The following BRCA2 variants were observed in gnomAD, a reference collection of about 807,000 sequenced individuals.
BRCA2 encodes BRCA2 DNA repair associated.
Under a neutral mutation model 276.7 loss-of-function variants are expected in BRCA2, and 203 were observed. The ratio of observed to expected loss-of-function variants is 0.73; its 90% CI spans 0.65 to 0.82. BRCA2 has a LOEUF of 0.82. BRCA2 is among the 40% of genes least tolerant of loss of function. The pLI is 0.00. For missense variants in BRCA2, 3,920 were observed against 3,915.0 expected (o/e 1.00, Z -0.03); for synonymous variants, 1,289 against 1,338.4 (o/e 0.96, Z 0.81).
chr13:32,350,984 G>T (rs867459201), intron 13 of BRCA2, among the ~76,000 whole-genome samples: 2 of 151,962 alleles, frequency 1.3e-5, no homozygotes, highest in African/African-American at 4.8e-5. Context: ...AAACGCACCG[G>T]TCAGCACTCT....
chr13:32,348,057 G>C (rs2072623386), intron 13 of BRCA2, among the ~76,000 whole-genome samples: 1 of 151,868 alleles, frequency 6.6e-6, no homozygotes, highest in Non-Finnish European at 1.5e-5. Context: ...AGAAAAAATG[G>C]CCGTAAAATA....
At chr13:32,316,580 A>G in intron 2 of BRCA2, 53 bp downstream of exon 2, 1 of 1,518,468 alleles carries the variant, frequency 6.6e-7, no homozygotes, top group Non-Finnish European at 9.1e-7. Context: ...AGTGTTTTCT[A>G]AAAAATGCTT....
In BRCA2 at chr13:32,380,558, C is replaced by CT. The variant is rs1031887387; in HGVS notation, c.9256+413_9256+414insT. ...GCTTTTTTTTTTTTTTTTTTTTCCC[C>CT]GAGATGGAGTCTCACTCTGTTGCCC... On this transcript the variant is annotated intron_variant, in intron 24 of 26. Transcript: ENST00000380152. Among the ~76,000 whole-genome samples the CT allele has an allele frequency of 2.8e-5, 4 of 142,616 alleles. No homozygotes were observed. The South Asian group carries it at 8.9e-4, about 32-fold the overall frequency. The allele number at this position is 142,616 out of a possible 152,430, so 93.6% of individuals were successfully genotyped here.
Position 32,379,431 on chromosome 13 carries a change from C to T in BRCA2, c.8869C>T (p.Gln2957Ter), listed in dbSNP as rs276174913. 6.2e-7 allele frequency: 1 copy of T among 1,613,626 alleles called. No homozygotes were observed. The highest frequency in any genetic ancestry group is 1.1e-5 in the South Asian group (1 of 91,006). ...TAGGAAGGCCATGGAATCTGCTGAA[C>T]AAAAGGAACAAGGTTTATCAAGGGA... ...EIRKAMESAE[Q>*]KEQGLSRDVT... is the part of the protein sequence containing the mutation. Residue 2957 changes from glutamine to a stop codon, truncating the protein, a stop_gained, in exon 22 of 27, where the codon CAA becomes TAA. Coordinates refer to ENST00000380152, the MANE Select transcript of BRCA2 (RefSeq NM_000059.4). LOFTEE classifies it high-confidence loss of function.
chr13:32,389,918 C>CAAAAAAAAA (rs952305945), intron 24 of BRCA2, among the ~76,000 whole-genome samples: 2 of 152,140 alleles, frequency 1.3e-5, no homozygotes, highest in African/African-American at 4.8e-5. Flanking sequence ...ACAGAATTCT[C>CAAAAAAAAA]AAAAATGTCA....
intron 19 of BRCA2, 76 bp downstream of exon 19, chr13:32,370,633 A>G (rs2137598663): frequency 6.7e-7 from 1 of 1,495,966 alleles, no homozygotes; most frequent in South Asian, 1.2e-5. Context: ...TTTGAGATGG[A>G]GTTTCGGTCT....
intron 13 of BRCA2, among the ~76,000 whole-genome samples, chr13:32,353,613 C>G (rs144203378): frequency 2.6e-5 from 4 of 152,276 alleles, no homozygotes; most frequent in African/African-American, 9.6e-5. Context: ...TGTCTGTTTC[C>G]TTCCACTGAA....
rs2072762601 is a variant in BRCA2, at chr13:32,363,697, CAGTTTTTGGG to C, written c.8331+167_8331+176del. The stretch of plus-strand genomic sequence containing the variant: ...TCTTCAGACAGTTAAAGTTTTTGTG[CAGTTTTTGGG>C]AGGTCCAGAGATCTTTCTTGAGCTT... On this transcript the variant is annotated intron_variant, in intron 18 of 26. Coordinates refer to ENST00000380152, the MANE Select transcript of BRCA2 (RefSeq NM_000059.4). Among the ~76,000 whole-genome samples the C allele has an allele frequency of 2.0e-5, 3 of 152,210 alleles. No individual in the cohort carries two copies. The South Asian group carries it at 6.2e-4, about 32-fold the overall frequency.
chr13:32,398,763 ATATC>A lies in BRCA2; in HGVS notation c.10253_10256del (p.Ile3418LysfsTer8), dbSNP rs80359259. ...CAGGACACAATTACAACTAAAAAAT[ATATC>A]TAAGCATTTGCAAAGGCGACAATAA... On this transcript the variant is annotated frameshift_variant, in exon 27 of 27. Transcript: ENST00000380152. LOFTEE classifies it high-confidence loss of function. 4.3e-6 allele frequency: 7 copies of A among 1,613,724 alleles called. No homozygotes were observed. Among genetic ancestry groups the A allele is most frequent in the Middle Eastern group, 1.6e-4 (1 of 6,084 alleles).
intron 7 of BRCA2, among the ~76,000 whole-genome samples, chr13:32,327,630 G>A (rs963255356): frequency 4.0e-5 from 6 of 150,438 alleles, no homozygotes; most frequent in Admixed American, 2.6e-4. Context: ...AGATCATCAC[G>A]CCACTGCACT....
rs1853938036 is a variant in BRCA2 at position 32,379,664 on chromosome 13, A to G, written c.8954-86A>G. The G allele has an allele frequency of 3.3e-6, 5 of 1,534,560 alleles. No homozygotes were observed. In the South Asian group the frequency reaches 3.4e-5, roughly 11 times the overall value. Reference sequence around the variant, plus strand: ...ACTAATGCCCACAAAGAGATAATATAAAAGAGGATCTGTATTTATTTTGAA... The same window carrying G: ...ACTAATGCCCACAAAGAGATAATATGAAAGAGGATCTGTATTTATTTTGAA... On this transcript the variant is annotated intron_variant, in intron 22 of 26. Transcript: ENST00000380152.
At chr13:32,391,835 G>T (rs2072999161) in intron 24 of BRCA2, among the ~76,000 whole-genome samples, 1 of 152,110 alleles carries the variant, frequency 6.6e-6, no homozygotes, top group African/African-American at 2.4e-5. Flanking sequence ...AAGAAATAAG[G>T]CTTCCATTTC....
intron 22 of BRCA2, 95 bp downstream of exon 22, chr13:32,379,610 T>C: frequency 4.6e-6 from 7 of 1,525,752 alleles, no homozygotes; most frequent in East Asian, 2.3e-5. Flanking sequence ...AGTATAAAGT[T>C]AGTTTATATC....
rs80358967 is a variant in BRCA2, at chr13:32,356,440, G to C, written c.7448G>C (p.Ser2483Thr). Residue 2483 changes from serine to threonine, a missense_variant, in exon 15 of 27, where the codon AGT becomes ACT. Ser to Thr is a moderately conservative substitution (Grantham distance 58, BLOSUM62 1). Around this residue, in one of 2 missense-constraint regions of BRCA2, gnomAD observed 3,263 missense variants for 3,156.9 expected, o/e 1.03. Coordinates refer to ENST00000380152, the MANE Select transcript of BRCA2 (RefSeq NM_000059.4). ...TATTCTTTGATAGATTTAATTACAA[G>C]TCTTCAGAATGCCAGAGATATACAG... ...CEEEPLDLIT[S>T]LQNARDIQDM... is the part of the protein sequence containing the mutation. The C allele has an allele frequency of 6.2e-7, 1 of 1,613,372 alleles. No individual in the cohort carries two copies. Among genetic ancestry groups the C allele is most frequent in the South Asian group, 1.1e-5 (1 of 91,066 alleles).
Position 32,339,384 on chromosome 13 carries a change from A to G in BRCA2, c.5029A>G (p.Arg1677Gly), listed in dbSNP as rs1593904196. 1.3e-6 allele frequency: 2 copies of G among 1,595,814 alleles called. No individual in the cohort carries two copies. Among genetic ancestry groups the G allele is most frequent in the East Asian group, 2.2e-5 (1 of 44,684 alleles). ...SALAFYTSCS[R>G]KTSVSQTSLL... Reference sequence around the variant, plus strand: ...CTTAGCTTTTTACACAAGTTGTAGTAGAAAAACTTCTGTGAGTCAGACTTC... The same window carrying G: ...CTTAGCTTTTTACACAAGTTGTAGTGGAAAAACTTCTGTGAGTCAGACTTC... Residue 1677 changes from arginine (R) to glycine (G), a missense_variant, in exon 11 of 27, where the codon AGA (arginine) becomes GGA (glycine). Physicochemically the swap from Arg to Gly is moderately radical, Grantham distance 125 (BLOSUM62 -2). Transcript: ENST00000380152.
rs2072400977 is a variant in BRCA2, at chr13:32,332,422, G to A, written c.944G>A (p.Cys315Tyr). Residue 315 changes from cysteine (C) to tyrosine (Y), a missense_variant, in exon 10 of 27, where the codon TGT becomes TAT. By Grantham distance (194) the Cys-to-Tyr change is radical. Transcript: ENST00000380152. ...EDSFSLCFSK[C>Y]RTKNLQKVRT... ...AGTTTTTCATTATGTTTTTCTAAAT[G>A]TAGAACAAAAAATCTACAAAAAGTA... 1.3e-6 allele frequency: 2 copies of A among 1,590,902 alleles called. No homozygotes were observed. The highest frequency in any genetic ancestry group is 4.5e-5 in the East Asian group (2 of 44,734).
chr13:32,349,216 CAAAAAAAAAAAA>C (rs55777417), intron 13 of BRCA2, among the ~76,000 whole-genome samples: 1,055 of 98,234 alleles, frequency 0.011, 18 homozygotes, highest in African/African-American at 0.042. Context: ...GACTCTGTCT[CAAAAAAAAAAAA>C]AAAAAAAAAA....
chr13:32,355,909 T>C (rs775555089), intron 14 of BRCA2, among the ~76,000 whole-genome samples: 5 of 151,862 alleles, frequency 3.3e-5, no homozygotes, highest in Non-Finnish European at 5.9e-5. Context: ...AGTAAAGATA[T>C]TCATATTTAT....
intron 13 of BRCA2, among the ~76,000 whole-genome samples, chr13:32,353,401 C>T (rs1329409084): frequency 1.3e-5 from 2 of 152,196 alleles, no homozygotes; most frequent in African/African-American, 4.8e-5. Context: ...TCCTTTTAAA[C>T]ATAAGACAGA....
Sources: gnomAD v4.1 joint callset for allele counts (sites outside exome capture counted in the v4.1 genomes callset) on GRCh38, gnomAD v4.1.1 for gene constraint, gnomAD v4.1.1 regional missense constraint, MANE v1.5 for transcripts, NCBI Gene and HGNC (gene_info 2026-07-23, HGNC 2026-07-21) for gene names.